Variants in TMEM53 observed in about 807,000 individuals in gnomAD.
TMEM53 encodes the protein novel DUF829 domain-containing protein.
A neutral mutation model predicts 21.4 loss-of-function variants in TMEM53; 14 were observed. The observed-to-expected ratio is 0.65, with a 90% CI of 0.43 to 1.02. The LOEUF is 1.02. Ranked by LOEUF, TMEM53 falls within the 50% of genes least tolerant of loss-of-function variation. The pLI is 0.00. For synonymous variants in TMEM53, 148 were observed against 157.4 expected, an observed-to-expected ratio of 0.94 and a Z score of 0.45; for missense variants, 323 against 383.6, an observed-to-expected ratio of 0.84 and a Z score of 1.32.
At position 44,655,105 on chromosome 1, in the gene TMEM53, C is replaced by T. The variant is rs767340941; in HGVS notation, c.288G>A (p.Leu96=). 4 of 1,614,212 alleles carry T rather than the reference C, an allele frequency of 2.5e-6. No individual in the cohort carries two copies. Among genetic ancestry groups the T allele is most frequent in the Non-Finnish European group, 3.4e-6 (4 of 1,180,034 alleles). Residue 96 remains leucine (L), a synonymous_variant, in exon 3 of 3, where the codon CTG becomes CTA. Coordinates refer to ENST00000372237, the MANE Select transcript of TMEM53 (RefSeq NM_024587.4). This position sits in a 1 kb window ranked among gnomAD's most constrained non-coding sequence, Gnocchi z 4.4. ...CCTTCTCAATCTCATAATCAAAGAGCAGCTCGAGCAGCTTCTGGGCCAAAA... is the reference window on the plus strand; with the variant it reads ...CCTTCTCAATCTCATAATCAAAGAGTAGCTCGAGCAGCTTCTGGGCCAAAA... The part of the protein sequence containing the change: ...LRVLAQKLLE[L]LFDYEIEKEP...
chr1:44,654,939 C>A lies in TMEM53; in HGVS notation c.454G>T (p.Val152Leu). ...GCTGCCAGGGCCCGCAGAGCCCCTACCAGGTTGCTGTCACCAGGAGCGCTG... is the reference window on the plus strand; with the variant it reads ...GCTGCCAGGGCCCGCAGAGCCCCTAACAGGTTGCTGTCACCAGGAGCGCTG... ...FDSAPGDSNL[V>L]GALRALAAIL... The change falls in exon 3 of 3, where the codon GTA becomes TTA. Residue 152 changes from valine to leucine, a missense_variant. Physicochemically the swap from Val to Leu is conservative, Grantham distance 32 (BLOSUM62 1). Around this residue, in one of 3 missense-constraint regions of TMEM53, gnomAD observed 269 missense variants for 334.5 expected, o/e 0.80. Coordinates refer to ENST00000372237, the MANE Select transcript of TMEM53 (RefSeq NM_024587.4). This position sits in a 1 kb window ranked among gnomAD's most constrained non-coding sequence, Gnocchi z 7.0. 6.2e-7 allele frequency: 1 copy of A among 1,613,770 alleles called. No individual in the cohort carries two copies. The highest frequency in any genetic ancestry group is 8.5e-7 in the Non-Finnish European group (1 of 1,179,904).
intron 1 of TMEM53, among the ~76,000 whole-genome samples, chr1:44,660,703 G>A (rs891405179): frequency 6.6e-6 from 1 of 151,976 alleles, no homozygotes; most frequent in Non-Finnish European, 1.5e-5. Context: ...AAAAAAAATC[G>A]GCTGGGCGCG....
At chr1:44,658,524 C>T (rs1442322799) in intron 2 of TMEM53, among the ~76,000 whole-genome samples, 1 of 152,130 alleles carries the variant, frequency 6.6e-6, no homozygotes. Context: ...TGCCCCACCC[C>T]TCCAATCTCC....
At chr1:44,656,357 G>C (rs907563406) in intron 2 of TMEM53, among the ~76,000 whole-genome samples, 5 of 152,206 alleles carry the variant, frequency 3.3e-5, no homozygotes, top group Non-Finnish European at 7.3e-5. Context: ...GCAGTAATTA[G>C]TGATGTGGTA....
At chr1:44,661,704 T>C (rs1197457799) in intron 1 of TMEM53, among the ~76,000 whole-genome samples, 1 of 152,200 alleles carries the variant, frequency 6.6e-6, no homozygotes, top group Admixed American at 6.5e-5. Context: ...GTTAAGGTAC[T>C]TGTCTAAGCA....
rs1644817244 is a variant in TMEM53, at chr1:44,653,326, C to G, written c.*1233G>C. 1 of 152,230 alleles carries G rather than the reference C, an allele frequency of 6.6e-6. No homozygotes were observed. Among genetic ancestry groups the G allele is most frequent in the African/African-American group, 2.4e-5 (1 of 41,458 alleles). The allele number at this position is 152,230 out of a possible 1,614,324, so 9.4% of individuals were successfully genotyped here. A position where few individuals can be genotyped will look rare whatever the true frequency, so the allele number is the denominator to read the frequency against. ...GTGACTTCTAGAATGATCAATGATA[C>G]TGAACTATCAGGCTGAATTCACCTC... is the stretch of plus-strand genomic sequence containing the variant. On this transcript the variant is annotated 3_prime_UTR_variant, in exon 3 of 3. Transcript: ENST00000372237.
intron 1 of TMEM53, among the ~76,000 whole-genome samples, chr1:44,662,211 G>A (rs530224569): frequency 3.3e-5 from 5 of 152,326 alleles, no homozygotes; most frequent in African/African-American, 7.2e-5. Flanking sequence ...TCTGGCCTTC[G>A]GAGATTAACT....
At chr1:44,664,941 C>A (rs1308559017) in intron 1 of TMEM53, among the ~76,000 whole-genome samples, 2 of 152,192 alleles carry the variant, frequency 1.3e-5, no homozygotes, top group African/African-American at 4.8e-5. Context: ...CCTCCACCAC[C>A]GCGACCTTGC....
chr1:44,666,742 G>A (rs985953090), intron 1 of TMEM53, among the ~76,000 whole-genome samples: 7 of 152,160 alleles, frequency 4.6e-5, no homozygotes, highest in Admixed American at 4.6e-4. Flanking sequence ...ACTACTAACA[G>A]GAATGGGGTT....
chr1:44,667,133 G>C (rs542247859), intron 1 of TMEM53, among the ~76,000 whole-genome samples: 1 of 151,722 alleles, frequency 6.6e-6, no homozygotes. Flanking sequence ...ATGAGCCACC[G>C]CGCCTGGCCA....
chr1:44,658,412 C>A (rs72671962), intron 2 of TMEM53, among the ~76,000 whole-genome samples: 2,386 of 152,198 alleles, frequency 0.016, 78 homozygotes, highest in Admixed American at 0.066. Flanking sequence ...ACAAACTCCT[C>A]AATCCATCAC....
At chr1:44,660,922 G>A (rs1157763017) in intron 1 of TMEM53, among the ~76,000 whole-genome samples, 2 of 149,978 alleles carry the variant, frequency 1.3e-5, no homozygotes, top group Non-Finnish European at 3.0e-5. Flanking sequence ...GCCGTGAGCC[G>A]AGATTGAGCC....
chr1:44,672,005 A>T (rs890715051), intron 1 of TMEM53, among the ~76,000 whole-genome samples: 5 of 152,228 alleles, frequency 3.3e-5, no homozygotes, highest in Admixed American at 3.3e-4. Context: ...ATTAAACAGT[A>T]ATTGCAAAAG....
intron 1 of TMEM53, among the ~76,000 whole-genome samples, chr1:44,673,528 T>C (rs1008591173): frequency 1.3e-5 from 2 of 152,336 alleles, no homozygotes; most frequent in Admixed American, 6.5e-5. Flanking sequence ...GACCCCGATC[T>C]ACTCACACTG....
chr1:44,657,011 CAA>C (rs374390057), intron 2 of TMEM53, among the ~76,000 whole-genome samples: 3 of 141,582 alleles, frequency 2.1e-5, no homozygotes, highest in Admixed American at 7.1e-5. Flanking sequence ...GACTCTCTCT[CAA>C]AAAAAAAAAA....
chr1:44,662,672 C>A (rs970275657), intron 1 of TMEM53, among the ~76,000 whole-genome samples: 1 of 152,082 alleles, frequency 6.6e-6, no homozygotes, highest in Admixed American at 6.5e-5. Flanking sequence ...AGAACAGGCT[C>A]CCCCTCCCCT....
chr1:44,665,651 AC>A (rs1004707462), intron 1 of TMEM53, among the ~76,000 whole-genome samples: 14 of 152,148 alleles, frequency 9.2e-5, no homozygotes, highest in African/African-American at 1.7e-4. Flanking sequence ...AAAAAAAAAA[AC>A]ATGCAATCTT....
intron 1 of TMEM53, among the ~76,000 whole-genome samples, chr1:44,670,103 G>C (rs761229184): frequency 1.4e-5 from 2 of 145,344 alleles, no homozygotes; most frequent in Non-Finnish European, 3.0e-5. Context: ...CAGCCAGAAA[G>C]GGCTCTTATC....
At position 44,654,469 on chromosome 1, in the gene TMEM53, G is replaced by C. The variant is rs1404496770; in HGVS notation, c.*90C>G. 6.8e-7 allele frequency: 1 copy of C among 1,473,692 alleles called. No individual in the cohort carries two copies. Among genetic ancestry groups the C allele is most frequent in the African/African-American group, 1.4e-5 (1 of 72,096 alleles). The allele number at this position is 1,473,692 out of a possible 1,614,324, so 91.3% of individuals were successfully genotyped here. ...GCAAAGTCCCAAAGGGCTACAGGGAGTTGAACGAGAAGAGTGCCCGACAGA... is the reference window on the plus strand; with the variant it reads ...GCAAAGTCCCAAAGGGCTACAGGGACTTGAACGAGAAGAGTGCCCGACAGA... On this transcript the variant is annotated 3_prime_UTR_variant, in exon 3 of 3. Transcript: ENST00000372237. This position sits in a 1 kb window ranked among gnomAD's most constrained non-coding sequence, Gnocchi z 7.0.
Sources: allele counts gnomAD v4.1 joint callset (sites outside exome capture counted in the v4.1 genomes callset), GRCh38; gene constraint gnomAD v4.1.1; regional missense constraint gnomAD v4.1.1; non-coding constraint Gnocchi (gnomAD v3.1); transcripts MANE v1.5; gene names NCBI Gene and HGNC (gene_info 2026-07-23, HGNC 2026-07-21).